The following MRPL12 variants were observed in gnomAD, a reference collection of about 807,000 sequenced individuals.
The protein encoded by MRPL12 is large ribosomal subunit protein bL12m.
MRPL12 carries 13 observed loss-of-function variants against 21.1 expected under a neutral mutation model. That is an observed-to-expected ratio of 0.62 (90% CI 0.40 to 0.98). MRPL12 has a LOEUF of 0.98. Ranked by LOEUF, MRPL12 falls within the 50% of genes least tolerant of loss-of-function variation. The probability of loss-of-function intolerance (pLI) is 0.00; values close to 1 mark genes in which losing one functional copy is unlikely to be tolerated. For synonymous variants in MRPL12, 126 were observed against 115.3 expected, an observed-to-expected ratio of 1.09 and a Z score of -0.60; for missense variants, 251 against 268.6, an observed-to-expected ratio of 0.93 and a Z score of 0.46.
At chr17:81,704,976 T>A (rs913693681) in intron 3 of MRPL12, among the ~76,000 whole-genome samples, 12 of 152,284 alleles carry the variant, frequency 7.9e-5, no homozygotes, top group African/African-American at 2.9e-4. Flanking sequence ...GGCTCACGCC[T>A]GTAATCCCAG....
Position 81,707,463 on chromosome 17 carries a change from G to A in MRPL12, c.*223G>A, listed in dbSNP as rs1022635372. On this transcript the variant is annotated 3_prime_UTR_variant, in exon 5 of 5. Coordinates refer to ENST00000333676, the MANE Select transcript of MRPL12 (RefSeq NM_002949.4). ...GGCACCCGGAGGCCCACCAGGACGC[G>A]CCACCGGTGAATGTGCCTCTGGTGG... The A allele has an allele frequency of 2.6e-5, 14 of 539,952 alleles. No individual in the cohort carries two copies. The South Asian group carries it at 3.1e-4, about 12-fold the overall frequency. 33.4% of individuals were successfully genotyped at this position (539,952 alleles called of 1,614,324 possible).
Position 81,707,136 on chromosome 17 carries a change from G to A in MRPL12, c.493G>A (p.Val165Met). ...GINLVQAKKLVESLPQEIKAN... is the reference protein window; with the variant it reads ...GINLVQAKKLMESLPQEIKAN... ...CTCTCTCTGGCAGGCAAAGAAGCTG[G>A]TGGAGTCCCTGCCCCAGGAAATCAA... is the stretch of plus-strand genomic sequence containing the variant. Residue 165 changes from valine (V) to methionine (M), a missense_variant, in exon 5 of 5, where the codon GTG (valine) becomes ATG (methionine). By Grantham distance (21) the Val-to-Met change is conservative. Transcript: ENST00000333676. 1.9e-6 allele frequency: 3 copies of A among 1,613,998 alleles called. No homozygotes were observed. Among genetic ancestry groups the A allele is most frequent in the Non-Finnish European group, 2.5e-6 (3 of 1,180,008 alleles).
rs763154761 is a variant in MRPL12 at position 81,704,722 on chromosome 17, TC to T, written c.345+8del. ...CTGCTGCAGCAGCCCAGGAGGTGAG[TC>T]CTGGGCAGAATGAGGCATTTCTGGG... On this transcript the variant is annotated splice_region_variant and intron_variant, in intron 3 of 4. Coordinates refer to ENST00000333676, the MANE Select transcript of MRPL12 (RefSeq NM_002949.4). 3.1e-6 allele frequency: 5 copies of T among 1,608,922 alleles called. No homozygotes were observed. Among genetic ancestry groups the T allele is most frequent in the Admixed American group, 1.7e-5 (1 of 59,206 alleles).
Position 81,707,333 on chromosome 17 carries a change from G to A in MRPL12, c.*93G>A, listed in dbSNP as rs765562580. 72 of 1,196,420 alleles carry A rather than the reference G, an allele frequency of 6.0e-5. No homozygotes were observed. Among genetic ancestry groups the A allele is most frequent in the South Asian group, 2.1e-4 (14 of 68,060 alleles). The allele number at this position is 1,196,420 out of a possible 1,614,324, so 74.1% of individuals were successfully genotyped here. On this transcript the variant is annotated 3_prime_UTR_variant, in exon 5 of 5. Coordinates refer to ENST00000333676, the MANE Select transcript of MRPL12 (RefSeq NM_002949.4). The stretch of plus-strand genomic sequence containing the variant: ...ACTGGCTCCGCCCCCAGCACCAGGC[G>A]CCCAGTGGAGCCGTTTGGGAGAATT...
At chr17:81,705,474 G>A (rs900986400) in intron 3 of MRPL12, among the ~76,000 whole-genome samples, 1 of 151,980 alleles carries the variant, frequency 6.6e-6, no homozygotes, top group African/African-American at 2.4e-5. Context: ...GGGAAAAGGA[G>A]GGAAGAGGCT....
rs970160640 is a variant in MRPL12 at position 81,707,469 on chromosome 17, G to A, written c.*229G>A. 1.6e-4 allele frequency: 83 copies of A among 532,780 alleles called. No individual in the cohort carries two copies. In the East Asian group the frequency reaches 2.5e-3, roughly 16 times the overall value. 33.0% of individuals were successfully genotyped at this position (532,780 alleles called of 1,614,324 possible). A position where few individuals can be genotyped will look rare whatever the true frequency, so the allele number is the denominator to read the frequency against. On this transcript the variant is annotated 3_prime_UTR_variant, in exon 5 of 5. Coordinates refer to ENST00000333676, the MANE Select transcript of MRPL12 (RefSeq NM_002949.4). ...CGGAGGCCCACCAGGACGCGCCACCGGTGAATGTGCCTCTGGTGGCTGCTG... is the reference window on the plus strand; with the variant it reads ...CGGAGGCCCACCAGGACGCGCCACCAGTGAATGTGCCTCTGGTGGCTGCTG...
rs558797183 is a variant in MRPL12 at position 81,706,598 on chromosome 17, C to T, written c.346-308C>T. 3.6e-3 allele frequency among the ~76,000 whole-genome samples: 544 copies of T among 152,174 alleles called. 1 individual carries two copies. The highest frequency in any genetic ancestry group is 5.6e-3 in the Non-Finnish European group (379 of 67,994). On this transcript the variant is annotated intron_variant, in intron 3 of 4. Transcript: ENST00000333676. ...TGAGAGAAAAAGCACCAGCTGGACT[C>T]GCGAGGCCAAGGCAGGAGAATCGCT...
intron 3 of MRPL12, 103 bp from the exon 4 acceptor site, chr17:81,706,803 T>C: frequency 1.4e-6 from 2 of 1,432,202 alleles, no homozygotes; most frequent in East Asian, 4.8e-5. Context: ...GGGCCTCCGC[T>C]GCACCTCCCT....
intron 3 of MRPL12, among the ~76,000 whole-genome samples, chr17:81,706,602 A>G (rs1287861605): frequency 6.6e-6 from 1 of 152,144 alleles, no homozygotes; most frequent in Non-Finnish European, 1.5e-5. Flanking sequence ...TGGACTCGCG[A>G]GGCCAAGGCA....
At position 81,707,060 on chromosome 17, in the gene MRPL12, T is replaced by C; in HGVS notation, c.480+20T>C. 8.1e-6 allele frequency: 13 copies of C among 1,613,744 alleles called. No individual in the cohort carries two copies. The highest frequency in any genetic ancestry group is 1.0e-5 in the Non-Finnish European group (12 of 1,179,930). On this transcript the variant is annotated intron_variant, in intron 4 of 4. Coordinates refer to ENST00000333676, the MANE Select transcript of MRPL12 (RefSeq NM_002949.4). The stretch of plus-strand genomic sequence containing the variant: ...GTCCAGGTCTGTGCCGCGGTGGGGG[T>C]TCCGAGGCAGGTTCCGTTGTGGTGG...
Position 81,707,001 on chromosome 17 carries a change from G to A in MRPL12, c.441G>A (p.Lys147=). The A allele has an allele frequency of 1.2e-6, 2 of 1,614,170 alleles. No homozygotes were observed. The highest frequency in any genetic ancestry group is 1.7e-6 in the Non-Finnish European group (2 of 1,180,048). ...AKPVDKVKLI[K]EIKNYIQGIN... ...CCGTGGACAAAGTGAAGCTGATCAA[G>A]GAAATCAAGAACTACATCCAAGGCA... The change falls in exon 4 of 5, where the codon AAG becomes AAA. Residue 147 remains lysine, a synonymous_variant. Transcript: ENST00000333676.
intron 3 of MRPL12, among the ~76,000 whole-genome samples, chr17:81,706,529 G>T (rs1358846917): frequency 6.6e-6 from 1 of 152,136 alleles, no homozygotes; most frequent in African/African-American, 2.4e-5. Context: ...CCCGTCCGAG[G>T]CATGTTACAA....
At position 81,707,251 on chromosome 17, in the gene MRPL12, G is replaced by C; in HGVS notation, c.*11G>C. 1.9e-6 allele frequency: 3 copies of C among 1,570,654 alleles called. No homozygotes were observed. Among genetic ancestry groups the C allele is most frequent in the Non-Finnish European group, 2.6e-6 (3 of 1,157,206 alleles). On this transcript the variant is annotated 3_prime_UTR_variant, in exon 5 of 5. Coordinates refer to ENST00000333676, the MANE Select transcript of MRPL12 (RefSeq NM_002949.4). ...GTGGTTCTGGAGTAGCCTCCAGCTC[G>C]GAGGACTTGTGTTCAGGGGTCCTGG...
In MRPL12 at chr17:81,703,421, G is replaced by C; in HGVS notation, c.-81G>C. The C allele has an allele frequency of 1.6e-6, 2 of 1,266,938 alleles. No homozygotes were observed. The highest frequency in any genetic ancestry group is 1.1e-6 in the Non-Finnish European group (1 of 946,234). The allele number at this position is 1,266,938 out of a possible 1,614,324, so 78.5% of individuals were successfully genotyped here. ...GTGGCGGCTAGAGCGTTCCTCCCCAGCTCGAATGCCCGGCGGCCGAGGCGG... is the reference window on the plus strand; with the variant it reads ...GTGGCGGCTAGAGCGTTCCTCCCCACCTCGAATGCCCGGCGGCCGAGGCGG... On this transcript the variant is annotated 5_prime_UTR_variant, in exon 1 of 5. Transcript: ENST00000333676.
intron 2 of MRPL12, 60 bp downstream of exon 2, chr17:81,704,490 T>G: frequency 6.3e-7 from 1 of 1,587,620 alleles, no homozygotes; most frequent in Non-Finnish European, 8.6e-7. Flanking sequence ...CTGTGTTTTG[T>G]TCCTGGTGTA....
chr17:81,707,368 A>C lies in MRPL12; in HGVS notation c.*128A>C. Reference sequence around the variant, plus strand: ...GCCGTTTGGGAGAATTGCCTGCGCCACGCAGCGGGGCCGGACAGGCCGCAC... The same window carrying C: ...GCCGTTTGGGAGAATTGCCTGCGCCCCGCAGCGGGGCCGGACAGGCCGCAC... On this transcript the variant is annotated 3_prime_UTR_variant, in exon 5 of 5. Transcript: ENST00000333676. 1.1e-6 allele frequency: 1 copy of C among 929,658 alleles called. No homozygotes were observed. Among genetic ancestry groups the C allele is most frequent in the Non-Finnish European group, 1.6e-6 (1 of 623,490 alleles). 57.6% of individuals were successfully genotyped at this position (929,658 alleles called of 1,614,324 possible).
intron 1 of MRPL12, 110 bp from the exon 2 acceptor site, chr17:81,704,134 G>T (rs940920134): frequency 4.4e-6 from 5 of 1,147,210 alleles, no homozygotes; most frequent in Non-Finnish European, 6.0e-6. Flanking sequence ...GTGATTACCA[G>T]CCTGAGCTTA....
At chr17:81,706,880 G>C in intron 3 of MRPL12, 26 bp from the exon 4 acceptor site, 1 of 1,611,318 alleles carries the variant, frequency 6.2e-7, no homozygotes, top group Non-Finnish European at 8.5e-7. Flanking sequence ...TTGTCACCTG[G>C]CTCCCCTTCT....
At chr17:81,706,206 ACG>A (rs2037312703) in intron 3 of MRPL12, among the ~76,000 whole-genome samples, 1 of 152,084 alleles carries the variant, frequency 6.6e-6, no homozygotes, top group African/African-American at 2.4e-5. Context: ...CTCATAAGTT[ACG>A]CTTTCTAAGC....
Sources: gnomAD v4.1 joint callset for allele counts (sites outside exome capture counted in the v4.1 genomes callset) on GRCh38, gnomAD v4.1.1 for gene constraint, MANE v1.5 for transcripts, NCBI Gene and HGNC (gene_info 2026-07-23, HGNC 2026-07-21) for gene names.